Variants in CPEB3 observed in about 807,000 individuals in gnomAD.
CPEB3 encodes cytoplasmic polyadenylation element binding protein 3.
A neutral mutation model predicts 67.2 loss-of-function variants in CPEB3; 20 were observed. The ratio of observed to expected loss-of-function variants is 0.30; its 90% CI spans 0.21 to 0.43. CPEB3 has a LOEUF of 0.43. CPEB3 is among the 20% of genes least tolerant of loss of function. The pLI is 1.00. For missense variants in CPEB3, 746 were observed against 968.6 expected (o/e 0.77, Z 3.05); for synonymous variants, 376 against 393.1 (o/e 0.96, Z 0.51).
chr10:92,125,724 C>T (rs893177187), intron 6 of CPEB3, among the ~76,000 whole-genome samples: 8 of 143,840 alleles, frequency 5.6e-5, no homozygotes, highest in African/African-American at 2.0e-4. Context: ...AGGAAACAGA[C>T]TTTTTTTTTT....
At chr10:92,236,603 G>A (rs922889842) in intron 2 of CPEB3, among the ~76,000 whole-genome samples, 1 of 152,072 alleles carries the variant, frequency 6.6e-6, no homozygotes, top group Non-Finnish European at 1.5e-5. Context: ...TAAAAAATTA[G>A]CCGGGCGTGG....
chr10:92,188,577 G>A (rs1003414516), intron 3 of CPEB3, among the ~76,000 whole-genome samples: 5 of 151,776 alleles, frequency 3.3e-5, no homozygotes, highest in African/African-American at 4.8e-5. Flanking sequence ...AAAATTAGCC[G>A]GGTGTGATGG....
intron 1 of CPEB3, among the ~76,000 whole-genome samples, chr10:92,284,411 C>T (rs12355759): frequency 0.22 from 33,762 of 152,080 alleles, 4,708 homozygotes; most frequent in Middle Eastern, 0.34. Flanking sequence ...GGCAAAATTC[C>T]TTAAACTGGC....
chr10:92,246,710 G>A (rs960317466), intron 1 of CPEB3, among the ~76,000 whole-genome samples: 4 of 151,828 alleles, frequency 2.6e-5, no homozygotes, highest in African/African-American at 9.7e-5. Flanking sequence ...GGGTTTCACC[G>A]TGTCAGCCAG....
intron 1 of CPEB3, among the ~76,000 whole-genome samples, chr10:92,276,437 C>T (rs1459148766): frequency 1.3e-5 from 2 of 151,950 alleles, no homozygotes; most frequent in African/African-American, 2.4e-5. Flanking sequence ...TGCCACCATG[C>T]CTGGCTAATT....
At chr10:92,054,429 CT>C (rs34272440) in intron 9 of CPEB3, among the ~76,000 whole-genome samples, 50 of 147,350 alleles carry the variant, frequency 3.4e-4, no homozygotes, top group South Asian at 6.4e-4. Context: ...ATTGCTACAT[CT>C]TTTTTTTTTT....
Position 92,096,561 on chromosome 10 carries a change from A to T in CPEB3, c.1573-4617T>A, listed in dbSNP as rs560187261. Among the ~76,000 whole-genome samples the T allele has an allele frequency of 2.6e-5, 4 of 152,244 alleles. No individual in the cohort carries two copies. In the East Asian group the frequency reaches 7.7e-4, roughly 29 times the overall value. On this transcript the variant is annotated intron_variant, in intron 7 of 9. Coordinates refer to ENST00000265997, the MANE Select transcript of CPEB3 (RefSeq NM_014912.5). ...AAGTATAAGGATGCCACCCAGAAAT[A>T]GTGAAGATTCCCTGAAATTATCCTG... is the stretch of plus-strand genomic sequence containing the variant.
intron 2 of CPEB3, among the ~76,000 whole-genome samples, chr10:92,225,958 G>A (rs1176266105): frequency 1.3e-5 from 2 of 152,118 alleles, no homozygotes; most frequent in African/African-American, 4.8e-5. Flanking sequence ...TTAGCCGGGC[G>A]TGGTGGCAAG....
At chr10:92,166,617 C>T (rs1847758068) in intron 4 of CPEB3, among the ~76,000 whole-genome samples, 1 of 152,162 alleles carries the variant, frequency 6.6e-6, no homozygotes, top group South Asian at 2.1e-4. Context: ...TTAAAATATT[C>T]AGTAAACCAT....
intron 2 of CPEB3, among the ~76,000 whole-genome samples, chr10:92,234,020 TCGCTTGAAC>T: frequency 6.7e-6 from 1 of 148,998 alleles, no homozygotes; most frequent in African/African-American, 2.5e-5. Flanking sequence ...GGCAGGAGAA[TCGCTTGAAC>T]CCAGAGATGG....
At chr10:92,224,997 G>A (rs1296429398) in intron 2 of CPEB3, among the ~76,000 whole-genome samples, 1 of 141,700 alleles carries the variant, frequency 7.1e-6, no homozygotes, top group Admixed American at 7.2e-5. Flanking sequence ...ATTTTTTGAG[G>A]TGGAGTCACA....
At chr10:92,091,496 G>C (rs1319439501) in intron 8 of CPEB3, among the ~76,000 whole-genome samples, 1 of 151,434 alleles carries the variant, frequency 6.6e-6, no homozygotes, top group Non-Finnish European at 1.5e-5. Flanking sequence ...CTTTAAAAAA[G>C]ATTTCTGTCA....
At chr10:92,089,978 T>C (rs1233448229) in intron 8 of CPEB3, among the ~76,000 whole-genome samples, 2 of 152,222 alleles carry the variant, frequency 1.3e-5, no homozygotes, top group Non-Finnish European at 2.9e-5. Flanking sequence ...GGTGTGATCA[T>C]ACAGCAACCT....
chr10:92,099,408 T>G (rs2133374113), intron 7 of CPEB3, among the ~76,000 whole-genome samples: 1 of 151,964 alleles, frequency 6.6e-6, no homozygotes. Context: ...CACCTCAGCC[T>G]CCCAAAGTGC....
At chr10:92,286,690 T>C (rs140884749) in intron 1 of CPEB3, among the ~76,000 whole-genome samples, 8 of 152,230 alleles carry the variant, frequency 5.3e-5, no homozygotes, top group Admixed American at 3.3e-4. Context: ...AAAAAAACTT[T>C]CTGTAGCTTG....
intron 2 of CPEB3, among the ~76,000 whole-genome samples, chr10:92,237,502 C>T (rs1000877650): frequency 2.0e-5 from 3 of 152,122 alleles, no homozygotes; most frequent in South Asian, 2.1e-4. Flanking sequence ...TCAGGTTTGA[C>T]GAAACTATGT....
intron 3 of CPEB3, 145 bp downstream of exon 3, chr10:92,192,331 AT>A: frequency 1.3e-6 from 1 of 745,016 alleles, no homozygotes; most frequent in Non-Finnish European, 2.1e-6. Flanking sequence ...GTTAAAAAAA[AT>A]CAACTTTAAA....
intron 2 of CPEB3, among the ~76,000 whole-genome samples, chr10:92,201,756 T>A (rs1386634725): frequency 6.6e-6 from 1 of 152,154 alleles, no homozygotes; most frequent in African/African-American, 2.4e-5. Flanking sequence ...ATCTTAGAAC[T>A]TTATGCAGAA....
intron 9 of CPEB3, among the ~76,000 whole-genome samples, chr10:92,061,911 T>A (rs556680917): frequency 1.9e-4 from 29 of 152,320 alleles, no homozygotes; most frequent in African/African-American, 7.0e-4. Context: ...TCACATTGCA[T>A]ACCTATATCA....
Sources: allele counts gnomAD v4.1 joint callset (sites outside exome capture counted in the v4.1 genomes callset), GRCh38; gene constraint gnomAD v4.1.1; transcripts MANE v1.5; gene names NCBI Gene and HGNC (gene_info 2026-07-23, HGNC 2026-07-21).